Variants in LINGO2 observed in about 807,000 individuals in gnomAD.
LINGO2 encodes the protein leucine rich repeat and Ig domain containing 2.
In LINGO2, 14 loss-of-function variants were observed where a neutral mutation model predicts 30.6. The ratio of observed to expected loss-of-function variants is 0.46; its 90% CI spans 0.30 to 0.72. The LOEUF (loss-of-function observed/expected upper bound fraction) is 0.72. Ranked by LOEUF, LINGO2 falls within the 30% of genes least tolerant of loss-of-function variation. LINGO2 has a pLI of 0.07. For missense variants in LINGO2, 729 were observed against 751.7 expected, an observed-to-expected ratio of 0.97 and a Z score of 0.35; for synonymous variants, 317 against 288.5, an observed-to-expected ratio of 1.10 and a Z score of -1.00.
At chr9:28,769,921 GA>G in the LINGO2 span, among the ~76,000 whole-genome samples, 3 of 151,640 alleles carry the variant, frequency 2.0e-5, no homozygotes, top group Admixed American at 6.6e-5. Context: ...AAACTTTTAG[GA>G]GGAGGCTTGG....
rs78746687 is a variant in LINGO2, at chr9:28,047,897, G to A, written c.-86-35492C>T. On this transcript the variant is annotated intron_variant, in intron 4 of 5. Transcript: ENST00000379992. Reference sequence around the variant, plus strand: ...AAAAATTACTTATCTGTTCACCCCAGGGAAATTTACAGATTTAGTGCAACT... The same window carrying A: ...AAAAATTACTTATCTGTTCACCCCAAGGAAATTTACAGATTTAGTGCAACT... Among the ~76,000 whole-genome samples the A allele has an allele frequency of 3.9e-4, 59 of 150,726 alleles. 3 individuals carry two copies. The East Asian group carries it at 8.3e-3, about 21-fold the overall frequency.
the LINGO2 span, among the ~76,000 whole-genome samples, chr9:29,128,592 G>T: frequency 6.6e-6 from 1 of 152,072 alleles, no homozygotes; most frequent in Non-Finnish European, 1.5e-5. Flanking sequence ...CTCCTTTGGT[G>T]CTGTTTGGCC....
intron 3 of LINGO2, among the ~76,000 whole-genome samples, chr9:28,312,369 TAGAG>T (rs1824660192): frequency 6.6e-6 from 1 of 151,756 alleles, no homozygotes; most frequent in Non-Finnish European, 1.5e-5. Flanking sequence ...GAGGGGGTAA[TAGAG>T]AGAGGGTGGT....
At chr9:28,642,004 T>C (rs949667165) in intron 1 of LINGO2, among the ~76,000 whole-genome samples, 3 of 144,100 alleles carry the variant, frequency 2.1e-5, no homozygotes, top group Non-Finnish European at 4.5e-5. Flanking sequence ...TCTGTATTTA[T>C]AATACTCTGT....
the LINGO2 span, among the ~76,000 whole-genome samples, chr9:29,083,657 G>C: frequency 6.6e-6 from 1 of 150,712 alleles, no homozygotes; most frequent in Admixed American, 6.6e-5. Flanking sequence ...AAAAAAAATA[G>C]CTGGGATGGA....
chr9:28,092,664 T>C (rs1247518574), intron 4 of LINGO2, among the ~76,000 whole-genome samples: 1 of 152,012 alleles, frequency 6.6e-6, no homozygotes, highest in Non-Finnish European at 1.5e-5. Context: ...ACCTGCACGT[T>C]GTGCACATGT....
intron 1 of LINGO2, among the ~76,000 whole-genome samples, chr9:28,611,724 T>C (rs1587957895): frequency 1.3e-5 from 2 of 152,102 alleles, no homozygotes; most frequent in East Asian, 3.9e-4. Flanking sequence ...GATTTCTTTC[T>C]TCATAAATAG....
intron 1 of LINGO2, among the ~76,000 whole-genome samples, chr9:28,561,705 A>C (rs1823076991): frequency 1.3e-5 from 1 of 78,564 alleles, no homozygotes; most frequent in Non-Finnish European, 2.7e-5. Context: ...TAATATATAT[A>C]AATTATATAT....
intron 2 of LINGO2, among the ~76,000 whole-genome samples, chr9:28,461,932 ATGAGGGAACATAGG>A (rs1222515939): frequency 6.6e-6 from 1 of 152,144 alleles, no homozygotes; most frequent in African/African-American, 2.4e-5. Flanking sequence ...CATTTTACAG[ATGAGGGAACATAGG>A]CTGAAAGAGA....
chr9:28,322,475 ACACAC>A (rs1825081732), intron 3 of LINGO2, among the ~76,000 whole-genome samples: 1 of 120,964 alleles, frequency 8.3e-6, no homozygotes, highest in Admixed American at 8.5e-5. Context: ...ACACACACAC[ACACAC>A]GTTTACAATA....
intron 4 of LINGO2, among the ~76,000 whole-genome samples, chr9:28,223,122 G>A (rs1019327019): frequency 1.3e-5 from 2 of 152,190 alleles, no homozygotes; most frequent in African/African-American, 4.8e-5. Context: ...ACTACTGAAG[G>A]ATCCTTAAAA....
chr9:28,526,725 A>G (rs1821053206), intron 1 of LINGO2, among the ~76,000 whole-genome samples: 1 of 152,220 alleles, frequency 6.6e-6, no homozygotes, highest in Non-Finnish European at 1.5e-5. Flanking sequence ...TGGAAGCTCA[A>G]GTACCTTAAT....
At chr9:29,165,371 T>G in the LINGO2 span, among the ~76,000 whole-genome samples, 6 of 152,184 alleles carry the variant, frequency 3.9e-5, no homozygotes, top group South Asian at 1.0e-3. Context: ...AAGTGTCTGT[T>G]CTCATGGAGT....
intron 4 of LINGO2, among the ~76,000 whole-genome samples, chr9:28,070,714 G>C (rs1392301574): frequency 6.8e-6 from 1 of 146,884 alleles, no homozygotes; most frequent in Admixed American, 6.6e-5. Context: ...ATTTTGTTTT[G>C]TTCTGTTTGT....
At chr9:29,037,046 A>T in the LINGO2 span, among the ~76,000 whole-genome samples, 2 of 151,876 alleles carry the variant, frequency 1.3e-5, no homozygotes, top group African/African-American at 4.8e-5. Flanking sequence ...TATAATTTCC[A>T]GTGACGTTCA....
At chr9:28,845,767 A>C in the LINGO2 span, among the ~76,000 whole-genome samples, 1 of 151,368 alleles carries the variant, frequency 6.6e-6, no homozygotes, top group Non-Finnish European at 1.5e-5. Flanking sequence ...AATTCTTTAA[A>C]AAATCTTTCA....
At chr9:28,930,516 G>A in the LINGO2 span, among the ~76,000 whole-genome samples, 1 of 152,128 alleles carries the variant, frequency 6.6e-6, no homozygotes, top group African/African-American at 2.4e-5. This position sits in a 1 kb window ranked among gnomAD's most constrained non-coding sequence, Gnocchi z 4.2. Flanking sequence ...ATTTAAACAG[G>A]AGCAAAGGAT....
chr9:28,630,033 G>A (rs1380372247), intron 1 of LINGO2, among the ~76,000 whole-genome samples: 1 of 147,490 alleles, frequency 6.8e-6, no homozygotes, highest in Non-Finnish European at 1.5e-5. Context: ...TTTGGTTTTT[G>A]TTCTTGGGAT....
At chr9:28,206,141 A>G (rs1000402431) in intron 4 of LINGO2, among the ~76,000 whole-genome samples, 49 of 126,776 alleles carry the variant, frequency 3.9e-4, no homozygotes, top group Middle Eastern at 4.3e-3. Flanking sequence ...TTCCAGCCTG[A>G]GTGACAGAGT....
Sources: gnomAD v4.1 joint callset for allele counts (sites outside exome capture counted in the v4.1 genomes callset) on GRCh38, gnomAD v4.1.1 for gene constraint, Gnocchi (gnomAD v3.1) non-coding constraint, MANE v1.5 for transcripts, NCBI Gene and HGNC (gene_info 2026-07-23, HGNC 2026-07-21) for gene names.